Variants in SLIT3 observed in about 807,000 individuals in gnomAD.
The protein encoded by SLIT3 is slit guidance ligand 3, also known as slit homolog 3 protein.
SLIT3 carries 68 observed loss-of-function variants against 184.0 expected under a neutral mutation model. The observed-to-expected ratio is 0.37, with a 90% CI of 0.30 to 0.45. The LOEUF (loss-of-function observed/expected upper bound fraction) is 0.45, where lower values mean the gene tolerates loss of function less well. Among genes scored for constraint, SLIT3 ranks in the 20% least tolerant of loss-of-function variants. The pLI, the probability that SLIT3 is intolerant of heterozygous loss-of-function variation, is 1.00. For synonymous variants in SLIT3, 831 were observed against 828.6 expected, an observed-to-expected ratio of 1.00 and a Z score of -0.05; for missense variants, 1,707 against 2,026.0, an observed-to-expected ratio of 0.84 and a Z score of 3.02.
intron 14 of SLIT3, among the ~76,000 whole-genome samples, chr5:168,768,861 G>T (rs1449837131): frequency 2.6e-5 from 4 of 152,182 alleles, no homozygotes; most frequent in African/African-American, 9.7e-5. Context: ...ACTCATCCCA[G>T]ATCATTTGAG....
At chr5:168,811,784 G>C (rs536312632) in intron 8 of SLIT3, among the ~76,000 whole-genome samples, 1 of 152,366 alleles carries the variant, frequency 6.6e-6, no homozygotes, top group South Asian at 2.1e-4. Context: ...AATTAGTACA[G>C]CTACAACGGA....
intron 3 of SLIT3, among the ~76,000 whole-genome samples, chr5:169,207,563 C>T (rs1676305156): frequency 6.6e-6 from 1 of 152,154 alleles, no homozygotes; most frequent in African/African-American, 2.4e-5. Flanking sequence ...CTTGTGCCTT[C>T]AATAACCAAA....
At chr5:169,158,991 C>T (rs546269084) in intron 4 of SLIT3, among the ~76,000 whole-genome samples, 8 of 152,270 alleles carry the variant, frequency 5.3e-5, no homozygotes, top group African/African-American at 1.9e-4. Flanking sequence ...AATTAAAAAA[C>T]AGAGACTGAG....
intron 28 of SLIT3, among the ~76,000 whole-genome samples, chr5:168,693,417 A>C (rs949327827): frequency 6.6e-5 from 10 of 152,362 alleles, no homozygotes; most frequent in Admixed American, 1.3e-4. Flanking sequence ...GTGCTACAAA[A>C]TACCTAACGG....
Position 169,182,123 on chromosome 5 carries a change from G to A in SLIT3, c.413+11356C>T, listed in dbSNP as rs143057647. 3.7e-3 allele frequency among the ~76,000 whole-genome samples: 566 copies of A among 152,274 alleles called. 2 individuals are homozygous for A. The highest frequency in any genetic ancestry group is 7.8e-3 in the Admixed American group (120 of 15,288). On this transcript the variant is annotated intron_variant, in intron 4 of 35. Coordinates refer to ENST00000519560, the MANE Select transcript of SLIT3 (RefSeq NM_003062.4). ...CAACAGGCAGTGCTAATCAAGGGGC[G>A]GGCGGGCCACACTTCTAAGCAGGCT...
chr5:168,901,003 T>C lies in SLIT3; in HGVS notation c.414-17667A>G, dbSNP rs192823278. Among the ~76,000 whole-genome samples, 326 of 152,238 alleles carry C rather than the reference T, an allele frequency of 2.1e-3. 3 individuals carry two copies. Among genetic ancestry groups the C allele is most frequent in the African/African-American group, 7.5e-3 (312 of 41,538 alleles). ...ATGAGAAATTACTTAACGGGTACAA[T>C]GTACGTTACTGGGGTGACGGATATC... On this transcript the variant is annotated intron_variant, in intron 4 of 35. Coordinates refer to ENST00000519560, the MANE Select transcript of SLIT3 (RefSeq NM_003062.4).
At chr5:168,913,370 A>G (rs1761317964) in intron 4 of SLIT3, among the ~76,000 whole-genome samples, 1 of 152,228 alleles carries the variant, frequency 6.6e-6, no homozygotes, top group Admixed American at 6.5e-5. Flanking sequence ...ACAACACCAG[A>G]TTAAAAAGAA....
intron 20 of SLIT3, 82 bp downstream of exon 20, chr5:168,748,220 G>A (rs2113457651): frequency 7.2e-7 from 1 of 1,390,902 alleles, no homozygotes; most frequent in Admixed American, 3.0e-5. Flanking sequence ...ATGTTGCCTT[G>A]CTTGAGATTC....
chr5:169,195,822 G>A (rs188421387), intron 3 of SLIT3, among the ~76,000 whole-genome samples: 54 of 152,212 alleles, frequency 3.5e-4, no homozygotes, highest in Middle Eastern at 3.4e-3. Flanking sequence ...CACCGTGCCC[G>A]GCTGAGGGAA....
In SLIT3 at chr5:168,695,106, G is replaced by C. The variant is rs1047429866; in HGVS notation, c.3082+1186C>G. On this transcript the variant is annotated intron_variant, in intron 28 of 35. Coordinates refer to ENST00000519560, the MANE Select transcript of SLIT3 (RefSeq NM_003062.4). ...AAAGGTATGGGCTATGAGGGACAAT[G>C]GGAGCCATTTGGCTTCCTTCTCTGC... Among the ~76,000 whole-genome samples, 5 of 152,300 alleles carry C rather than the reference G, an allele frequency of 3.3e-5. No individual in the cohort carries two copies. In the East Asian group the frequency reaches 9.7e-4, roughly 29 times the overall value.
At chr5:168,819,836 G>A (rs79836456) in intron 7 of SLIT3, among the ~76,000 whole-genome samples, 9 of 152,194 alleles carry the variant, frequency 5.9e-5, no homozygotes, top group South Asian at 2.1e-4. Context: ...CCCTTTGTCC[G>A]TCTTAATAGA....
At chr5:168,885,299 C>G (rs1760150081) in intron 4 of SLIT3, among the ~76,000 whole-genome samples, 1 of 152,140 alleles carries the variant, frequency 6.6e-6, no homozygotes, top group South Asian at 2.1e-4. Flanking sequence ...CTGTCTGCAA[C>G]CGATGTAAGT....
intron 4 of SLIT3, among the ~76,000 whole-genome samples, chr5:169,075,890 A>C (rs1758720940): frequency 1.3e-5 from 2 of 152,130 alleles, no homozygotes; most frequent in South Asian, 4.1e-4. Flanking sequence ...CTACCAACCT[A>C]GTTTGTCTCT....
At chr5:168,780,133 A>C (rs548270047) in intron 12 of SLIT3, among the ~76,000 whole-genome samples, 22 of 152,364 alleles carry the variant, frequency 1.4e-4, no homozygotes, top group Admixed American at 1.4e-3. Flanking sequence ...GGCCCAGTGC[A>C]ATCATTCTGG....
intron 32 of SLIT3, among the ~76,000 whole-genome samples, chr5:168,682,622 C>T (rs1033529743): frequency 9.2e-5 from 14 of 152,212 alleles, no homozygotes; most frequent in Admixed American, 8.5e-4. Flanking sequence ...GCCTTGACAA[C>T]AGTGTGTGTG....
chr5:168,782,468 G>A (rs556606868), intron 12 of SLIT3, among the ~76,000 whole-genome samples: 29 of 152,164 alleles, frequency 1.9e-4, no homozygotes, highest in Non-Finnish European at 3.4e-4. Flanking sequence ...TACAAGGTGA[G>A]GGATCTCAGG....
At chr5:169,143,225 A>G (rs767915312) in intron 4 of SLIT3, among the ~76,000 whole-genome samples, 2 of 152,214 alleles carry the variant, frequency 1.3e-5, no homozygotes, top group African/African-American at 2.4e-5. Context: ...CCATTCAGTA[A>G]TAACAATGTA....
chr5:168,774,632 G>A (rs1048675379), intron 12 of SLIT3, among the ~76,000 whole-genome samples: 3 of 152,088 alleles, frequency 2.0e-5, no homozygotes, highest in African/African-American at 7.2e-5. Flanking sequence ...ACCTTCTCTT[G>A]CACCCATGGC....
At chr5:169,186,852 G>T (rs1378793740) in intron 4 of SLIT3, among the ~76,000 whole-genome samples, 1 of 94,034 alleles carries the variant, frequency 1.1e-5, no homozygotes, top group Non-Finnish European at 2.2e-5. Context: ...TTTTGGTGGG[G>T]AATCTGCTCC....
Sources: gnomAD v4.1 joint callset for allele counts (sites outside exome capture counted in the v4.1 genomes callset) on GRCh38, gnomAD v4.1.1 for gene constraint, MANE v1.5 for transcripts, NCBI Gene and HGNC (gene_info 2026-07-23, HGNC 2026-07-21) for gene names.